The following NELL1 variants were observed in gnomAD, a reference collection of about 807,000 sequenced individuals.
NELL1 encodes the protein neural EGFL like 1, also known as protein kinase C-binding protein NELL1.
NELL1 carries 76 observed loss-of-function variants against 107.4 expected under a neutral mutation model. That is an observed-to-expected ratio of 0.71 (90% confidence interval 0.59 to 0.86). NELL1 has a LOEUF of 0.86. Ranked by LOEUF, NELL1 falls within the 40% of genes least tolerant of loss-of-function variation. The pLI, the probability that NELL1 is intolerant of heterozygous loss-of-function variation, is 0.00. For missense variants in NELL1, 1,024 were observed against 1,005.5 expected, an observed-to-expected ratio of 1.02 and a Z score of -0.25; for synonymous variants, 353 against 341.2, an observed-to-expected ratio of 1.03 and a Z score of -0.38.
In NELL1 at chr11:20,987,919, T is replaced by G. The variant is rs1330472925; in HGVS notation, c.1300+27359T>G. Among the ~76,000 whole-genome samples, 3 of 152,302 alleles carry G rather than the reference T, an allele frequency of 2.0e-5. No individual in the cohort carries two copies. In the East Asian group the frequency reaches 5.8e-4, roughly 29 times the overall value. On this transcript the variant is annotated intron_variant, in intron 12 of 19. Transcript: ENST00000357134. ...CTCGCAGAGTATTTTGTGGAATAAT[T>G]TGTTGGTTCTTAAAACCGTGATATA...
At chr11:20,745,863 A>G (rs929141016) in intron 2 of NELL1, among the ~76,000 whole-genome samples, 1 of 152,202 alleles carries the variant, frequency 6.6e-6, no homozygotes, top group Non-Finnish European at 1.5e-5. Context: ...GTAATGGCTG[A>G]ACTATGAAAT....
At chr11:20,987,353 A>T (rs185661234) in intron 12 of NELL1, among the ~76,000 whole-genome samples, 44 of 152,242 alleles carry the variant, frequency 2.9e-4, no homozygotes, top group African/African-American at 1.0e-3. Flanking sequence ...GATGTTGGGG[A>T]ACTTTATTAG....
intron 2 of NELL1, among the ~76,000 whole-genome samples, chr11:20,775,004 G>T (rs1171904428): frequency 6.6e-6 from 1 of 152,174 alleles, no homozygotes; most frequent in African/African-American, 2.4e-5. Flanking sequence ...ACAATTGTGG[G>T]ACTGAAAGCA....
At chr11:21,088,531 G>T (rs1166847659) in intron 12 of NELL1, among the ~76,000 whole-genome samples, 1 of 152,086 alleles carries the variant, frequency 6.6e-6, no homozygotes, top group African/African-American at 2.4e-5. Context: ...ATACACATAA[G>T]TCAGACAAAT....
rs867812505 is a variant in NELL1, at chr11:20,761,799, T to A, written c.185-21881T>A. On this transcript the variant is annotated intron_variant, in intron 2 of 19. Coordinates refer to ENST00000357134, the MANE Select transcript of NELL1 (RefSeq NM_006157.5). Reference sequence around the variant, plus strand: ...TGCTTATAGGTTTGCTTTAAAAAAATAAAACCTCGAAACTTGAAGTCTGAT... The same window carrying A: ...TGCTTATAGGTTTGCTTTAAAAAAAAAAAACCTCGAAACTTGAAGTCTGAT... Among the ~76,000 whole-genome samples the A allele has an allele frequency of 3.5e-4, 54 of 152,354 alleles. 1 individual carries two copies. The highest frequency in any genetic ancestry group is 3.4e-3 in the Middle Eastern group (1 of 294).
chr11:21,166,728 C>G (rs987371916), intron 13 of NELL1, among the ~76,000 whole-genome samples: 2 of 151,708 alleles, frequency 1.3e-5, no homozygotes, highest in African/African-American at 4.9e-5. Context: ...AACTTTTGAT[C>G]AAATGAAAGA....
intron 2 of NELL1, among the ~76,000 whole-genome samples, chr11:20,722,951 C>T (rs1855425608): frequency 6.6e-6 from 1 of 152,144 alleles, no homozygotes; most frequent in Admixed American, 6.6e-5. Flanking sequence ...AAGCAAGGCA[C>T]ATCTTACATA....
intron 4 of NELL1, among the ~76,000 whole-genome samples, chr11:20,875,488 G>A (rs1394883675): frequency 6.6e-6 from 1 of 152,166 alleles, no homozygotes; most frequent in East Asian, 1.9e-4. Context: ...AGAATTGCTT[G>A]AACCCAAGAG....
At chr11:20,964,729 T>C (rs756020222) in intron 12 of NELL1, among the ~76,000 whole-genome samples, 2 of 152,178 alleles carry the variant, frequency 1.3e-5, no homozygotes, top group African/African-American at 2.4e-5. Flanking sequence ...GACATCAGTT[T>C]TGGCTAATGA....
rs537558153 is a variant in NELL1, at chr11:21,159,229, G to A, written c.1426+45515G>A. Among the ~76,000 whole-genome samples, 68 of 152,216 alleles carry A rather than the reference G, an allele frequency of 4.5e-4. 2 individuals carry two copies. In the South Asian group the frequency reaches 0.013, roughly 30 times the overall value. Reference sequence around the variant, plus strand: ...AGACTTGGACCTAGGTCTTGGATCCGTGAGCTTGTTGACCAGATTCTGTGA... The same window carrying A: ...AGACTTGGACCTAGGTCTTGGATCCATGAGCTTGTTGACCAGATTCTGTGA... On this transcript the variant is annotated intron_variant, in intron 13 of 19. Coordinates refer to ENST00000357134, the MANE Select transcript of NELL1 (RefSeq NM_006157.5).
chr11:21,571,767 T>G (rs923809744), intron 18 of NELL1, among the ~76,000 whole-genome samples: 1 of 151,830 alleles, frequency 6.6e-6, no homozygotes, highest in Non-Finnish European at 1.5e-5. Context: ...TTTCTAGCAG[T>G]GGGAAGACTT....
intron 2 of NELL1, among the ~76,000 whole-genome samples, chr11:20,717,255 T>C (rs943781377): frequency 6.6e-6 from 1 of 152,170 alleles, no homozygotes; most frequent in African/African-American, 2.4e-5. Flanking sequence ...CAAATAATAT[T>C]TTTGGACTGC....
chr11:21,293,772 C>A (rs1365633845), intron 14 of NELL1, among the ~76,000 whole-genome samples: 2 of 152,184 alleles, frequency 1.3e-5, no homozygotes. Context: ...GGGTTCATGT[C>A]CTTTGCCAGG....
At chr11:20,753,871 T>C (rs1193220920) in intron 2 of NELL1, among the ~76,000 whole-genome samples, 2 of 152,190 alleles carry the variant, frequency 1.3e-5, no homozygotes, top group African/African-American at 4.8e-5. Flanking sequence ...GGAATTCCAG[T>C]TGGAAGATGC....
At chr11:20,902,219 A>G (rs538778148) in intron 5 of NELL1, among the ~76,000 whole-genome samples, 2 of 152,204 alleles carry the variant, frequency 1.3e-5, no homozygotes, top group South Asian at 2.1e-4. Flanking sequence ...AGATCTTGAC[A>G]ACAATTAGCA....
chr11:21,491,687 T>C (rs1294656909), intron 15 of NELL1, among the ~76,000 whole-genome samples: 1 of 152,148 alleles, frequency 6.6e-6, no homozygotes, highest in Non-Finnish European at 1.5e-5. Context: ...GTGGGCTCTT[T>C]TTTGGTTCCA....
chr11:21,331,458 G>A (rs542904082), intron 14 of NELL1, among the ~76,000 whole-genome samples: 1 of 151,994 alleles, frequency 6.6e-6, no homozygotes, highest in Non-Finnish European at 1.5e-5. Context: ...CTCTGATGTT[G>A]TTCCTCAGAG....
At chr11:21,342,702 GGAGAGA>G (rs34390468) in intron 14 of NELL1, among the ~76,000 whole-genome samples, 48 of 145,080 alleles carry the variant, frequency 3.3e-4, no homozygotes, top group Middle Eastern at 3.6e-3. Flanking sequence ...GAAGGAAGAG[GGAGAGA>G]GAGAGAGAGA....
At chr11:21,462,997 C>T (rs775713467) in intron 15 of NELL1, among the ~76,000 whole-genome samples, 10 of 151,936 alleles carry the variant, frequency 6.6e-5, no homozygotes, top group Admixed American at 2.0e-4. Flanking sequence ...AGGAAAGCAT[C>T]GTAGTTTCAA....
Sources: gnomAD v4.1 joint callset for allele counts (sites outside exome capture counted in the v4.1 genomes callset) on GRCh38, gnomAD v4.1.1 for gene constraint, MANE v1.5 for transcripts, NCBI Gene and HGNC (gene_info 2026-07-23, HGNC 2026-07-21) for gene names.